Variants in RAB37 observed in about 807,000 individuals in gnomAD.
The protein encoded by RAB37 is ras-related protein Rab-37.
In RAB37, 29 loss-of-function variants were observed where a neutral mutation model predicts 33.1. That is an observed-to-expected ratio of 0.88 (90% confidence interval 0.65 to 1.20). RAB37 has a LOEUF of 1.20. Ranked by LOEUF, RAB37 falls within the 50% of genes most tolerant of loss-of-function variation. RAB37 has a pLI of 0.00. For synonymous variants in RAB37, 128 were observed against 119.5 expected (o/e 1.07, Z -0.47); for missense variants, 299 against 301.1 (o/e 0.99, Z 0.05).
chr17:74,724,045 CT>C (rs945274726), intron 1 of RAB37, among the ~76,000 whole-genome samples: 3 of 152,114 alleles, frequency 2.0e-5, no homozygotes, highest in African/African-American at 7.2e-5. Flanking sequence ...GCTGGGTTAT[CT>C]GTGAAACCAG....
chr17:74,683,645 T>G (rs1469563556), intron 1 of RAB37, among the ~76,000 whole-genome samples: 1 of 152,218 alleles, frequency 6.6e-6, no homozygotes, highest in Non-Finnish European at 1.5e-5. Context: ...TATATAGCCA[T>G]TCTTGCTGCC....
chr17:74,736,078 G>A (rs1256930069), upstream of RAB37, among the ~76,000 whole-genome samples: 4 of 152,138 alleles, frequency 2.6e-5, no homozygotes, highest in African/African-American at 9.7e-5. Flanking sequence ...CGGGCCTGAT[G>A]TCGCGCACCT....
At chr17:74,740,316 T>C (rs1176660399) in intron 1 of RAB37, among the ~76,000 whole-genome samples, 1 of 152,068 alleles carries the variant, frequency 6.6e-6, no homozygotes, top group East Asian at 1.9e-4. Flanking sequence ...TTGTCCAATA[T>C]ATTGACACTT....
intron 5 of RAB37, among the ~76,000 whole-genome samples, chr17:74,743,899 A>G (rs1247855245): frequency 6.6e-6 from 1 of 152,230 alleles, no homozygotes; most frequent in African/African-American, 2.4e-5. Context: ...AGGAAAATCC[A>G]TGGCACTCAT....
At chr17:74,681,002 G>A (rs1305500712) in intron 1 of RAB37, among the ~76,000 whole-genome samples, 1 of 152,182 alleles carries the variant, frequency 6.6e-6, no homozygotes, top group South Asian at 2.1e-4. Context: ...AGAATCCTGA[G>A]AATCAATTCA....
At chr17:74,727,329 T>G (rs1204011843) in intron 1 of RAB37, among the ~76,000 whole-genome samples, 1 of 152,192 alleles carries the variant, frequency 6.6e-6, no homozygotes, top group Middle Eastern at 3.2e-3. Context: ...CTGAGGGAAA[T>G]GCCTGTGAGA....
At chr17:74,712,781 G>T in intron 1 of RAB37, 3 of 1,610,996 alleles carry the variant, frequency 1.9e-6, no homozygotes, top group East Asian at 4.5e-5. Context: ...ACCTCCTCCT[G>T]CTTGCTAAGC....
chr17:74,737,335 C>T lies in RAB37; in HGVS notation c.63C>T (p.Pro21=), dbSNP rs752275313. ...GCGAGGCCCCCGAGCGCTCCCCGCC[C>T]TGCAGTCCGAGCTACGACCTCACGG... ...RDGEAPERSP[P]CSPSYDLTGK... Residue 21 remains proline, a synonymous_variant, in exon 1 of 9, where the codon CCC becomes CCT. Transcript: ENST00000392613. 4 of 1,578,074 alleles carry T rather than the reference C, an allele frequency of 2.5e-6. No homozygotes were observed. The Admixed American group carries it at 7.1e-5, about 28-fold the overall frequency.
At chr17:74,728,762 C>T (rs1047536932) in intron 1 of RAB37, among the ~76,000 whole-genome samples, 3 of 148,866 alleles carry the variant, frequency 2.0e-5, no homozygotes, top group Admixed American at 6.7e-5. Context: ...CTGTATGTGT[C>T]TTGTGCATGT....
chr17:74,676,881 G>A lies in RAB37; in HGVS notation c.72+5223G>A, dbSNP rs559534312. Among the ~76,000 whole-genome samples the A allele has an allele frequency of 1.7e-4, 26 of 152,208 alleles. No individual in the cohort carries two copies. Among genetic ancestry groups the A allele is most frequent in the African/African-American group, 3.4e-4 (14 of 41,542 alleles). On this transcript the variant is annotated intron_variant, in intron 1 of 7. Coordinates refer to the RAB37 transcript ENST00000340415. This position sits in a 1 kb window ranked among gnomAD's most constrained non-coding sequence, Gnocchi z 4.1. ...TAAAGTTAACCTCCAGGCTTGGCACGGTGGCTCACACCTGTAATCCCAGCA... is the reference window on the plus strand; with the variant it reads ...TAAAGTTAACCTCCAGGCTTGGCACAGTGGCTCACACCTGTAATCCCAGCA...
At chr17:74,716,907 G>A (rs1468113778) in intron 1 of RAB37, among the ~76,000 whole-genome samples, 1 of 152,196 alleles carries the variant, frequency 6.6e-6, no homozygotes, top group Non-Finnish European at 1.5e-5. Flanking sequence ...GGCAAGGTAG[G>A]CGGATCACCT....
rs1348553756 is a variant in RAB37 at position 74,699,917 on chromosome 17, G to A, written c.72+28259G>A. ...GCAACTTGGGAGGCTGAAGTAGGCA[G>A]GTCACTTGAGGTCAGGAGTTCAAGA... is the stretch of plus-strand genomic sequence containing the variant. On this transcript the variant is annotated intron_variant, in intron 1 of 7. Transcript: ENST00000340415. Among the ~76,000 whole-genome samples the A allele has an allele frequency of 1.3e-5, 2 of 151,990 alleles. 1 individual carries two copies. The highest frequency in any genetic ancestry group is 2.9e-5 in the Non-Finnish European group (2 of 68,010).
chr17:74,739,355 G>A (rs991302984), intron 1 of RAB37, among the ~76,000 whole-genome samples: 3 of 151,940 alleles, frequency 2.0e-5, no homozygotes, highest in Non-Finnish European at 4.4e-5. Flanking sequence ...AGAGGGCCAC[G>A]CCCCCTCCAC....
chr17:74,698,402 A>G (rs1267985796), intron 1 of RAB37: 2 of 1,613,984 alleles, frequency 1.2e-6, no homozygotes, highest in South Asian at 2.2e-5. Context: ...CTCCAAGCCA[A>G]GAGTGAGGCG....
rs1174663519 is a variant in RAB37 at position 74,742,694 on chromosome 17, C to T, written c.246+399C>T. 6.6e-6 allele frequency among the ~76,000 whole-genome samples: 1 copy of T among 151,562 alleles called. No homozygotes were observed. The highest frequency in any genetic ancestry group is 2.4e-5 in the African/African-American group (1 of 41,182). On this transcript the variant is annotated intron_variant, in intron 3 of 8. Transcript: ENST00000392613. This position sits in a 1 kb window ranked among gnomAD's most constrained non-coding sequence, Gnocchi z 4.0. ...AGGCTGGAGTGCAGTGGCACAATCTCGGCTCACTGCAACCTCTGCCTCCCA... is the reference window on the plus strand; with the variant it reads ...AGGCTGGAGTGCAGTGGCACAATCTTGGCTCACTGCAACCTCTGCCTCCCA...
chr17:74,701,878 G>A (rs1258191838), intron 1 of RAB37, among the ~76,000 whole-genome samples: 1 of 151,198 alleles, frequency 6.6e-6, no homozygotes, highest in Non-Finnish European at 1.5e-5. Flanking sequence ...AATTAGCTGG[G>A]TGTGGTGGTG....
At chr17:74,700,371 G>C (rs1190850457) in intron 1 of RAB37, among the ~76,000 whole-genome samples, 1 of 151,960 alleles carries the variant, frequency 6.6e-6, no homozygotes, top group African/African-American at 2.4e-5. Context: ...CCTTATTCCA[G>C]TTGCATTTTT....
Position 74,745,150 on chromosome 17 carries a change from C to T in RAB37, c.566+66C>T. ...GGCACACTCCAGGAATCCAGTAGGG[C>T]CCGGCCCCTGGCCCAGCCCCTGGAC... On this transcript the variant is annotated intron_variant, in intron 8 of 8. Transcript: ENST00000392613. The surrounding 1 kb of genome is among the most constrained non-coding windows in gnomAD (Gnocchi z 4.5). The T allele has an allele frequency of 6.3e-7, 1 of 1,580,356 alleles. No individual in the cohort carries two copies. The highest frequency in any genetic ancestry group is 8.7e-7 in the Non-Finnish European group (1 of 1,151,458).
At chr17:74,695,392 C>T (rs1435484359) in intron 1 of RAB37, 3 of 1,006,388 alleles carry the variant, frequency 3.0e-6, no homozygotes, top group South Asian at 3.2e-5. Flanking sequence ...TCCCCCTTCA[C>T]TCTGCCAAGC....
Sources: gnomAD v4.1 joint callset for allele counts (sites outside exome capture counted in the v4.1 genomes callset) on GRCh38, gnomAD v4.1.1 for gene constraint, Gnocchi (gnomAD v3.1) non-coding constraint, MANE v1.5 for transcripts, NCBI Gene and HGNC (gene_info 2026-07-23, HGNC 2026-07-21) for gene names.